Variants in KLHL5 observed in about 807,000 individuals in gnomAD.
The protein encoded by KLHL5 is kelch-like protein 5.
KLHL5 carries 48 observed loss-of-function variants against 77.7 expected under a neutral mutation model. The ratio of observed to expected loss-of-function variants is 0.62; its 90% CI spans 0.49 to 0.79. The LOEUF (loss-of-function observed/expected upper bound fraction) is 0.79, where lower values mean the gene tolerates loss of function less well. Among genes scored for constraint, KLHL5 ranks in the 30% least tolerant of loss-of-function variants. The probability of loss-of-function intolerance (pLI) is 0.00; values close to 1 mark genes in which losing one functional copy is unlikely to be tolerated. For missense variants in KLHL5, 723 were observed against 859.7 expected (o/e 0.84, Z 1.99); for synonymous variants, 260 against 297.0 (o/e 0.88, Z 1.28).
chr4:39,086,941 C>T (rs978545753), intron 5 of KLHL5, among the ~76,000 whole-genome samples: 2 of 110,660 alleles, frequency 1.8e-5, no homozygotes, highest in African/African-American at 7.0e-5. Flanking sequence ...GATGGAGTCT[C>T]ACTTTGTTGC....
At position 39,097,564 on chromosome 4, in the gene KLHL5, A is replaced by G. The variant is rs556728797; in HGVS notation, c.1300+686A>G. 3.5e-4 allele frequency among the ~76,000 whole-genome samples: 53 copies of G among 152,162 alleles called. 1 individual carries two copies. In the South Asian group the frequency reaches 0.011, roughly 31 times the overall value. Reference sequence around the variant, plus strand: ...GCCGCCCATCTATGCCGTCCTTGCCAGGAGCATATAACCTGAATCTAATCA... The same window carrying G: ...GCCGCCCATCTATGCCGTCCTTGCCGGGAGCATATAACCTGAATCTAATCA... On this transcript the variant is annotated intron_variant, in intron 6 of 10. Coordinates refer to ENST00000504108, the MANE Select transcript of KLHL5 (RefSeq NM_015990.5).
At chr4:39,132,565 C>T in the KLHL5 span, among the ~76,000 whole-genome samples, 1 of 151,764 alleles carries the variant, frequency 6.6e-6, no homozygotes, top group East Asian at 1.9e-4. Context: ...CCGAGATCAC[C>T]GCACTGCACT....
At chr4:39,117,172 G>A (rs796195343) in intron 10 of KLHL5, among the ~76,000 whole-genome samples, 6 of 152,120 alleles carry the variant, frequency 3.9e-5, no homozygotes, top group East Asian at 2.0e-4. Flanking sequence ...GTGGTGGCAC[G>A]CACCTGTAGT....
Position 39,113,151 on chromosome 4 carries a change from G to A in KLHL5, c.1820G>A (p.Trp607Ter). 6.2e-7 allele frequency: 1 copy of A among 1,614,130 alleles called. No homozygotes were observed. Among genetic ancestry groups the A allele is most frequent in the Non-Finnish European group, 8.5e-7 (1 of 1,180,008 alleles). ...AGAGGTGGCGTAGGAGTGACGACCT[G>A]GAATGGACTGCTGTATGCTATAGGG... ...KRRGGVGVTT[W>*]NGLLYAIGGH... is the part of the protein sequence containing the mutation. Residue 607 changes from tryptophan (W) to a stop codon, truncating the protein, a stop_gained, in exon 9 of 11, where the codon TGG becomes TAG. Coordinates refer to ENST00000504108, the MANE Select transcript of KLHL5 (RefSeq NM_015990.5). LOFTEE classifies it high-confidence loss of function.
At chr4:39,050,675 C>CT (rs1716569945) in intron 1 of KLHL5, among the ~76,000 whole-genome samples, 1 of 152,180 alleles carries the variant, frequency 6.6e-6, no homozygotes, top group African/African-American at 2.4e-5. Context: ...GCAGTTGACT[C>CT]TAAGGTATAA....
chr4:39,112,371 T>A (rs1447763551), intron 8 of KLHL5, among the ~76,000 whole-genome samples: 3 of 152,358 alleles, frequency 2.0e-5, no homozygotes, highest in Admixed American at 2.0e-4. Context: ...TCAAGCTATA[T>A]TTTTATTCTC....
rs558626277 is a variant in KLHL5 at position 39,103,272 on chromosome 4, T to C, written c.1301-15T>C. ...ATAATTTCTATTTACATAACTTCTA[T>C]ATATTACTATGAAGGAGCAACAAGC... On this transcript the variant is annotated splice_polypyrimidine_tract_variant and intron_variant, in intron 6 of 10. Transcript: ENST00000504108. 4 of 1,572,088 alleles carry C rather than the reference T, an allele frequency of 2.5e-6. No individual in the cohort carries two copies. The highest frequency in any genetic ancestry group is 3.4e-5 in the Admixed American group (2 of 58,010).
chr4:39,140,943 G>T, the KLHL5 span, among the ~76,000 whole-genome samples: 1 of 152,188 alleles, frequency 6.6e-6, no homozygotes, highest in Non-Finnish European at 1.5e-5. Context: ...GTGAATGAAG[G>T]TTTGAAAAGA....
At position 39,125,249 on chromosome 4, in the gene KLHL5, A is replaced by C. The variant is rs1723468038; in HGVS notation, c.*4183A>C. Among the ~76,000 whole-genome samples, 1 of 151,970 alleles carries C rather than the reference A, an allele frequency of 6.6e-6. No individual in the cohort carries two copies. The highest frequency in any genetic ancestry group is 2.4e-5 in the African/African-American group (1 of 41,396). On this transcript the variant is annotated 3_prime_UTR_variant, in exon 11 of 11. Transcript: ENST00000504108. ...TTCATTCGTTGTTGGTGGGAATGTT[A>C]AATGGTGTAGCCACTGTGGAAAACA...
chr4:39,069,888 C>CT (rs1346421154), intron 1 of KLHL5, among the ~76,000 whole-genome samples: 1 of 152,096 alleles, frequency 6.6e-6, no homozygotes, highest in African/African-American at 2.4e-5. Context: ...AGGATAGAGT[C>CT]TAGCTTTAGA....
intron 6 of KLHL5, among the ~76,000 whole-genome samples, chr4:39,100,951 T>C (rs1420934558): frequency 6.6e-6 from 1 of 152,000 alleles, no homozygotes; most frequent in Non-Finnish European, 1.5e-5. Flanking sequence ...CTGTTTAGTA[T>C]AGGGCCAAAC....
At chr4:39,127,711 C>T (rs534794476), downstream of KLHL5, among the ~76,000 whole-genome samples, 140 of 152,138 alleles carry the variant, frequency 9.2e-4, no homozygotes, top group Non-Finnish European at 1.3e-3. Flanking sequence ...GCGATCTTCC[C>T]GCCTCCTCTT....
At chr4:39,093,192 A>AT in intron 5 of KLHL5, 1 of 453,242 alleles carries the variant, frequency 2.2e-6, no homozygotes, top group Non-Finnish European at 4.4e-6. Flanking sequence ...TGAAGCACTG[A>AT]TACGAGGAGC....
chr4:39,050,974 T>TAA (rs952122576), intron 1 of KLHL5, among the ~76,000 whole-genome samples: 4 of 152,216 alleles, frequency 2.6e-5, no homozygotes, highest in African/African-American at 9.7e-5. Flanking sequence ...GTCTAACTCT[T>TAA]ATAAGTCATC....
intron 5 of KLHL5, among the ~76,000 whole-genome samples, chr4:39,091,877 C>T (rs7356462): frequency 8.5e-6 from 1 of 117,718 alleles, no homozygotes; most frequent in Non-Finnish European, 1.6e-5. Flanking sequence ...GTAGAGACAG[C>T]GTCTCACTTT....
In KLHL5 at chr4:39,095,414, A is replaced by G. The variant is rs116561949; in HGVS notation, c.1114-1278A>G. ...AAATCTGACAACATTGATCATACAC[A>G]TAGACACACACAGATACACATATAT... is the stretch of plus-strand genomic sequence containing the variant. On this transcript the variant is annotated intron_variant, in intron 5 of 10. Transcript: ENST00000504108. 9.9e-3 allele frequency among the ~76,000 whole-genome samples: 1,505 copies of G among 152,230 alleles called. 22 individuals are homozygous for G. The highest frequency in any genetic ancestry group is 0.034 in the African/African-American group (1,417 of 41,538).
downstream of KLHL5, among the ~76,000 whole-genome samples, chr4:39,128,599 A>G (rs1443028827): frequency 3.9e-5 from 6 of 152,242 alleles, no homozygotes; most frequent in Non-Finnish European, 7.3e-5. Context: ...AAAGACTGCC[A>G]GCAGAATAAA....
At chr4:39,046,588 GATAAA>G (rs1461922957) in intron 1 of KLHL5, among the ~76,000 whole-genome samples, 3 of 152,006 alleles carry the variant, frequency 2.0e-5, no homozygotes, top group East Asian at 1.9e-4. Context: ...TGCTTGAAAA[GATAAA>G]ATAAAATAAC....
At chr4:39,095,678 A>G (rs1174031229) in intron 5 of KLHL5, among the ~76,000 whole-genome samples, 1 of 151,902 alleles carries the variant, frequency 6.6e-6, no homozygotes, top group East Asian at 1.9e-4. Flanking sequence ...GTAATAAGGA[A>G]ATGGCTAAAA....
Sources: allele counts gnomAD v4.1 joint callset (sites outside exome capture counted in the v4.1 genomes callset), GRCh38; gene constraint gnomAD v4.1.1; transcripts MANE v1.5; gene names NCBI Gene and HGNC (gene_info 2026-07-23, HGNC 2026-07-21).